Variants in KIAA1549 observed in about 807,000 individuals in gnomAD.
The protein encoded by KIAA1549 is KIAA1549, also known as UPF0606 protein KIAA1549.
In KIAA1549, 70 loss-of-function variants were observed where a neutral mutation model predicts 156.4. The ratio of observed to expected loss-of-function variants is 0.45; its 90% CI spans 0.37 to 0.55. The LOEUF (loss-of-function observed/expected upper bound fraction) is 0.55, where lower values mean the gene tolerates loss of function less well. KIAA1549 is among the 20% of genes least tolerant of loss of function. The pLI, the probability that KIAA1549 is intolerant of heterozygous loss-of-function variation, is 0.00. For synonymous variants in KIAA1549, 1,103 were observed against 1,066.4 expected (o/e 1.03, Z -0.67); for missense variants, 2,428 against 2,540.9 (o/e 0.96, Z 0.96).
At chr7:138,904,962 T>C (rs940162454) in intron 7 of KIAA1549, 60 bp downstream of exon 7, 4 of 1,021,478 alleles carry the variant, frequency 3.9e-6, no homozygotes, top group Admixed American at 2.3e-5. Context: ...TCATTCTCAA[T>C]ACGCCTGCAT....
intron 1 of KIAA1549, among the ~76,000 whole-genome samples, chr7:138,941,001 C>G (rs1454736486): frequency 6.6e-6 from 1 of 151,988 alleles, no homozygotes; most frequent in African/African-American, 2.4e-5. Context: ...TTTTGCTGTG[C>G]AGAAGCTCTT....
intron 1 of KIAA1549, among the ~76,000 whole-genome samples, chr7:138,971,911 G>A (rs1160264137): frequency 6.6e-6 from 1 of 152,136 alleles, no homozygotes; most frequent in African/African-American, 2.4e-5. Flanking sequence ...AAACCATGGG[G>A]GCCACTGCAG....
chr7:138,880,356 A>G (rs980963994), intron 11 of KIAA1549, among the ~76,000 whole-genome samples: 21 of 152,372 alleles, frequency 1.4e-4, no homozygotes, highest in African/African-American at 4.6e-4. Context: ...TTTTACTTGC[A>G]TATTAAATAA....
chr7:138,879,468 C>T, intron 12 of KIAA1549, 70 bp downstream of exon 12: 7 of 872,152 alleles, frequency 8.0e-6, no homozygotes, highest in Non-Finnish European at 1.2e-5. Context: ...ATTTGAAATA[C>T]TGTAAGGCCC....
intron 1 of KIAA1549, among the ~76,000 whole-genome samples, chr7:138,949,137 C>T (rs756523499): frequency 4.6e-5 from 7 of 152,092 alleles, no homozygotes; most frequent in Non-Finnish European, 8.8e-5. Context: ...TCCACACTCT[C>T]GAAAAAATCG....
At chr7:138,948,257 G>A (rs535190896) in intron 1 of KIAA1549, among the ~76,000 whole-genome samples, 4 of 152,306 alleles carry the variant, frequency 2.6e-5, no homozygotes, top group East Asian at 3.9e-4. Context: ...GTGTCCTCAC[G>A]AAAATGGGGG....
intron 15 of KIAA1549, among the ~76,000 whole-genome samples, chr7:138,866,141 C>T (rs1168691554): frequency 6.6e-6 from 1 of 152,154 alleles, no homozygotes; most frequent in East Asian, 1.9e-4. Flanking sequence ...CTCAATTCCT[C>T]GTACTGAGGA....
In KIAA1549 at chr7:138,928,468, A is replaced by G. The variant is rs1812784382; in HGVS notation, c.188-9030T>C. On this transcript the variant is annotated intron_variant, in intron 1 of 19. Transcript: ENST00000422774. ...CGCCCAGCTAATTTTTGTATTTTTA[A>G]TAGAGACAGTGTTTCACCATGTTGG... is the stretch of plus-strand genomic sequence containing the variant. Among the ~76,000 whole-genome samples, 4 of 151,472 alleles carry G rather than the reference A, an allele frequency of 2.6e-5. No homozygotes were observed. In the South Asian group the frequency reaches 8.3e-4, roughly 32 times the overall value.
At chr7:138,839,206 A>T (rs769400535) in intron 19 of KIAA1549, among the ~76,000 whole-genome samples, 1 of 152,194 alleles carries the variant, frequency 6.6e-6, no homozygotes, top group Non-Finnish European at 1.5e-5. Context: ...CATGAAAGGA[A>T]TTGAGTGTGT....
chr7:138,940,171 C>G (rs529814527), intron 1 of KIAA1549, among the ~76,000 whole-genome samples: 12 of 151,982 alleles, frequency 7.9e-5, no homozygotes, highest in Non-Finnish European at 1.3e-4. Flanking sequence ...CCGCTCCCCC[C>G]ACCCCACAAC....
At chr7:138,856,122 C>A (rs1486957976) in intron 16 of KIAA1549, among the ~76,000 whole-genome samples, 2 of 151,842 alleles carry the variant, frequency 1.3e-5, no homozygotes, top group Non-Finnish European at 2.9e-5. Flanking sequence ...AGCTCCGCCT[C>A]CCGGGTTCAC....
chr7:138,901,985 A>G (rs571005889), intron 8 of KIAA1549, among the ~76,000 whole-genome samples: 9 of 152,332 alleles, frequency 5.9e-5, no homozygotes, highest in Admixed American at 2.0e-4. Context: ...ACGGTGTCCT[A>G]TAACTATTTC....
At chr7:138,907,710 C>G (rs769381560) in intron 5 of KIAA1549, among the ~76,000 whole-genome samples, 1 of 152,182 alleles carries the variant, frequency 6.6e-6, no homozygotes, top group Non-Finnish European at 1.5e-5. Flanking sequence ...AACAGAGGTG[C>G]TAGCAGCAGC....
chr7:138,967,428 A>G (rs576223827), intron 1 of KIAA1549, among the ~76,000 whole-genome samples: 13 of 152,340 alleles, frequency 8.5e-5, no homozygotes, highest in Non-Finnish European at 1.9e-4. Flanking sequence ...CTGAGATGAG[A>G]AAGTTCTAGG....
chr7:138,953,089 C>G (rs1055516383), intron 1 of KIAA1549, among the ~76,000 whole-genome samples: 4 of 152,198 alleles, frequency 2.6e-5, no homozygotes, highest in African/African-American at 9.6e-5. Flanking sequence ...GGCACGGTGG[C>G]TCATGCCTGT....
intron 1 of KIAA1549, among the ~76,000 whole-genome samples, chr7:138,968,154 C>T (rs1814087834): frequency 6.6e-6 from 1 of 152,034 alleles, no homozygotes; most frequent in South Asian, 2.1e-4. Context: ...CACATGGACA[C>T]AGGGAAGGGA....
At chr7:138,922,889 T>C (rs1297945034) in intron 1 of KIAA1549, among the ~76,000 whole-genome samples, 1 of 151,796 alleles carries the variant, frequency 6.6e-6, no homozygotes, top group African/African-American at 2.4e-5. Flanking sequence ...GCTAAGAATT[T>C]GCCAAAATTA....
intron 1 of KIAA1549, among the ~76,000 whole-genome samples, chr7:138,927,657 C>T (rs960429114): frequency 6.6e-6 from 1 of 152,108 alleles, no homozygotes; most frequent in African/African-American, 2.4e-5. Context: ...AAAAAGAATG[C>T]AATCGCAGAT....
intron 16 of KIAA1549, among the ~76,000 whole-genome samples, chr7:138,855,242 C>T (rs1810353237): frequency 1.3e-5 from 2 of 152,202 alleles, no homozygotes; most frequent in Non-Finnish European, 2.9e-5. Context: ...AGCTAAGAGG[C>T]TCGTGGTAGG....
Sources: allele counts gnomAD v4.1 joint callset (sites outside exome capture counted in the v4.1 genomes callset), GRCh38; gene constraint gnomAD v4.1.1; transcripts MANE v1.5; gene names NCBI Gene and HGNC (gene_info 2026-07-23, HGNC 2026-07-21).